The following MB21D2 variants were observed in gnomAD, a reference collection of about 807,000 sequenced individuals.
MB21D2 encodes the protein Mab-21 domain containing 2.
MB21D2 carries 9 observed loss-of-function variants against 33.3 expected under a neutral mutation model. The observed-to-expected ratio is 0.27, with a 90% CI of 0.16 to 0.47. The LOEUF is 0.47. Among genes scored for constraint, MB21D2 ranks in the 20% least tolerant of loss-of-function variants. The probability of loss-of-function intolerance (pLI) is 0.99; values close to 1 mark genes in which losing one functional copy is unlikely to be tolerated. For synonymous variants in MB21D2, 241 were observed against 236.3 expected (o/e 1.02, Z -0.18); for missense variants, 540 against 624.6 (o/e 0.86, Z 1.44).
rs76091840 is a variant in MB21D2, at chr3:192,906,072, T to C, written c.211+11558A>G. 3.1e-3 allele frequency among the ~76,000 whole-genome samples: 473 copies of C among 152,284 alleles called. 1 individual carries two copies. The highest frequency in any genetic ancestry group is 0.011 in the African/African-American group (455 of 41,550). The stretch of plus-strand genomic sequence containing the variant: ...TATACATATGAAAGCATTTTGTAAA[T>C]TGTGGAGGACTAGATAAAAATAGAG... On this transcript the variant is annotated intron_variant, in intron 1 of 1. Transcript: ENST00000392452.
chr3:192,900,778 T>A (rs1192301695), intron 1 of MB21D2, among the ~76,000 whole-genome samples: 2 of 151,876 alleles, frequency 1.3e-5, no homozygotes, highest in African/African-American at 4.8e-5. Context: ...CTGTCTCTAC[T>A]AAAAATACAA....
chr3:192,818,079 C>T (rs921278483), intron 1 of MB21D2, among the ~76,000 whole-genome samples: 1 of 152,096 alleles, frequency 6.6e-6, no homozygotes, highest in African/African-American at 2.4e-5. Flanking sequence ...TTCTACCCAC[C>T]TAAAAGCTTT....
intron 1 of MB21D2, among the ~76,000 whole-genome samples, chr3:192,821,989 A>C (rs1353504173): frequency 5.3e-5 from 8 of 152,206 alleles, no homozygotes; most frequent in Admixed American, 2.0e-4. Flanking sequence ...TTCCGGTTGC[A>C]AACTGAGTTA....
chr3:192,851,586 C>A (rs1485714280), intron 1 of MB21D2, among the ~76,000 whole-genome samples: 2 of 149,956 alleles, frequency 1.3e-5, no homozygotes, highest in African/African-American at 4.9e-5. Flanking sequence ...CCTCCGTCTC[C>A]CGGATTCAAG....
At chr3:192,806,658 T>C (rs768613273) in intron 1 of MB21D2, among the ~76,000 whole-genome samples, 3 of 152,318 alleles carry the variant, frequency 2.0e-5, no homozygotes, top group Non-Finnish European at 4.4e-5. Flanking sequence ...TTTCTTTCAA[T>C]CAACCTGAAT....
chr3:192,874,865 A>T (rs150058101), intron 1 of MB21D2, among the ~76,000 whole-genome samples: 2 of 152,150 alleles, frequency 1.3e-5, no homozygotes, highest in African/African-American at 4.8e-5. Flanking sequence ...CTCTCAAAGC[A>T]TCCGTTCTAC....
At chr3:192,887,675 A>G (rs1713762425) in intron 1 of MB21D2, among the ~76,000 whole-genome samples, 1 of 152,156 alleles carries the variant, frequency 6.6e-6, no homozygotes, top group Admixed American at 6.5e-5. Context: ...AGTTTTAAAT[A>G]ATGGCTTAGC....
At chr3:192,874,705 T>C (rs960395564) in intron 1 of MB21D2, among the ~76,000 whole-genome samples, 26 of 152,304 alleles carry the variant, frequency 1.7e-4, no homozygotes, top group African/African-American at 5.8e-4. Flanking sequence ...GAGACTCTAT[T>C]GCTTGCTGGT....
intron 1 of MB21D2, among the ~76,000 whole-genome samples, chr3:192,834,296 G>A (rs538726976): frequency 1.4e-5 from 2 of 145,748 alleles, no homozygotes; most frequent in East Asian, 2.0e-4. Context: ...CAGCCCAGAC[G>A]ACAAAGCGAG....
chr3:192,912,456 G>A (rs1490067532), intron 1 of MB21D2, among the ~76,000 whole-genome samples: 1 of 152,098 alleles, frequency 6.6e-6, no homozygotes, highest in Non-Finnish European at 1.5e-5. Context: ...ATCACCTGAG[G>A]TCAGGAGTTC....
intron 1 of MB21D2, among the ~76,000 whole-genome samples, chr3:192,852,934 G>C (rs551095982): frequency 6.6e-6 from 1 of 152,170 alleles, no homozygotes; most frequent in African/African-American, 2.4e-5. Flanking sequence ...TCTTAAAAGT[G>C]CTTTTTAAAA....
Position 192,804,793 on chromosome 3 carries a change from C to T in MB21D2, c.212-5143G>A, listed in dbSNP as rs115738953. Among the ~76,000 whole-genome samples, 129 of 152,220 alleles carry T rather than the reference C, an allele frequency of 8.5e-4. 1 individual carries two copies. Among genetic ancestry groups the T allele is most frequent in the Middle Eastern group, 3.4e-3 (1 of 294 alleles). ...TTGGTTGACAATAAACAATATAAAA[C>T]CTTCCTATAAAAATATTATGGTTTA... On this transcript the variant is annotated intron_variant, in intron 1 of 1. Coordinates refer to ENST00000392452, the MANE Select transcript of MB21D2 (RefSeq NM_178496.4).
chr3:192,909,644 G>C (rs1481577577), intron 1 of MB21D2, among the ~76,000 whole-genome samples: 1 of 151,832 alleles, frequency 6.6e-6, no homozygotes, highest in Non-Finnish European at 1.5e-5. Context: ...CTGATGAAGA[G>C]CCTCGGCCAG....
intron 1 of MB21D2, among the ~76,000 whole-genome samples, chr3:192,917,219 C>T (rs991453910): frequency 6.6e-6 from 1 of 152,154 alleles, no homozygotes; most frequent in Non-Finnish European, 1.5e-5. Flanking sequence ...CAAGAGCCGG[C>T]GTCGGGAAAG....
Position 192,879,131 on chromosome 3 carries a change from C to T in MB21D2, c.211+38499G>A, listed in dbSNP as rs1713505589. ...AAATTCACACTGATTCTAAAATCCA[C>T]ACATCAGGGGCTGGCTAAGGCTCAA... On this transcript the variant is annotated intron_variant, in intron 1 of 1. Coordinates refer to ENST00000392452, the MANE Select transcript of MB21D2 (RefSeq NM_178496.4). Among the ~76,000 whole-genome samples the T allele has an allele frequency of 2.0e-5, 3 of 152,196 alleles. No individual in the cohort carries two copies. In the South Asian group the frequency reaches 6.2e-4, roughly 32 times the overall value.
intron 1 of MB21D2, among the ~76,000 whole-genome samples, chr3:192,892,883 G>A (rs1713882179): frequency 6.6e-6 from 1 of 152,142 alleles, no homozygotes; most frequent in South Asian, 2.1e-4. Flanking sequence ...GTACAAAAGG[G>A]GGAAAATTGT....
At chr3:192,815,920 C>T (rs1241989162) in intron 1 of MB21D2, among the ~76,000 whole-genome samples, 1 of 152,078 alleles carries the variant, frequency 6.6e-6, no homozygotes, top group African/African-American at 2.4e-5. Flanking sequence ...CAATTGGCGC[C>T]CATACCACAC....
chr3:192,900,173 A>G (rs991219809), intron 1 of MB21D2, among the ~76,000 whole-genome samples: 9 of 151,368 alleles, frequency 5.9e-5, no homozygotes, highest in African/African-American at 1.7e-4. Context: ...AGTCCCAGCT[A>G]CTCAGGAGGC....
rs57097079 is a variant in MB21D2 at position 192,856,946 on chromosome 3, T to C, written c.212-57296A>G. On this transcript the variant is annotated intron_variant, in intron 1 of 1. Coordinates refer to ENST00000392452, the MANE Select transcript of MB21D2 (RefSeq NM_178496.4). ...GTAACTGATTTAAAAAGAAAAATAA[T>C]AACAATGATGAGGACATTATTATCA... Among the ~76,000 whole-genome samples the C allele has an allele frequency of 2.9e-3, 448 of 152,182 alleles. 3 individuals carry two copies. The highest frequency in any genetic ancestry group is 9.9e-3 in the African/African-American group (409 of 41,520).
Sources: gnomAD v4.1 joint callset for allele counts (sites outside exome capture counted in the v4.1 genomes callset) on GRCh38, gnomAD v4.1.1 for gene constraint, MANE v1.5 for transcripts, NCBI Gene and HGNC (gene_info 2026-07-23, HGNC 2026-07-21) for gene names.